Variants in PKP1 observed in about 807,000 individuals in gnomAD.
PKP1 encodes plakophilin 1.
Under a neutral mutation model 76.4 loss-of-function variants are expected in PKP1, and 27 were observed. That is an observed-to-expected ratio of 0.35 (90% CI 0.26 to 0.49). PKP1 has a LOEUF of 0.49. PKP1 is among the 20% of genes least tolerant of loss of function. The probability of loss-of-function intolerance (pLI) is 0.99; values close to 1 mark genes in which losing one functional copy is unlikely to be tolerated. For missense variants in PKP1, 964 were observed against 955.2 expected, an observed-to-expected ratio of 1.01 and a Z score of -0.12; for synonymous variants, 404 against 384.2, an observed-to-expected ratio of 1.05 and a Z score of -0.60.
At chr1:201,314,133 A>T (rs1558190851) in intron 3 of PKP1, among the ~76,000 whole-genome samples, 1 of 152,198 alleles carries the variant, frequency 6.6e-6, no homozygotes, top group African/African-American at 2.4e-5. Context: ...AATCCAAAGG[A>T]CAAATAGGAC....
chr1:201,283,962 T>C, intron 1 of PKP1, 58 bp downstream of exon 1: 1 of 1,493,144 alleles, frequency 6.7e-7, no homozygotes, highest in Non-Finnish European at 9.3e-7. Context: ...CCTGGCCCAG[T>C]GGCGGGGACC....
At chr1:201,319,305 C>A (rs1273282954) in intron 6 of PKP1, among the ~76,000 whole-genome samples, 1 of 151,964 alleles carries the variant, frequency 6.6e-6, no homozygotes, top group East Asian at 1.9e-4. Flanking sequence ...GGTGGGAGGG[C>A]TTGTTCTAGA....
At chr1:201,327,697 G>A (rs1044297514) in intron 12 of PKP1, among the ~76,000 whole-genome samples, 6 of 151,958 alleles carry the variant, frequency 3.9e-5, no homozygotes, top group South Asian at 2.1e-4. Flanking sequence ...GGGAACCAGC[G>A]TCCCCATTCA....
chr1:201,294,164 T>C (rs1656011124), intron 2 of PKP1, 119 bp downstream of exon 2: 1 of 741,178 alleles, frequency 1.3e-6, no homozygotes, highest in Non-Finnish European at 2.4e-6. Context: ...GGTCCGTGAG[T>C]TGAGGCTCAT....
At chr1:201,298,906 G>A (rs2268157) in intron 2 of PKP1, among the ~76,000 whole-genome samples, 74,981 of 152,094 alleles carry the variant, frequency 0.49, 22,424 homozygotes, top group East Asian at 0.73. Flanking sequence ...AAGAAATGTG[G>A]ATGAAGCCTC....
In PKP1 at chr1:201,324,465, A is replaced by G. The variant is rs751062007; in HGVS notation, c.1718A>G (p.Glu573Gly). 3 of 1,614,104 alleles carry G rather than the reference A, an allele frequency of 1.9e-6. No individual in the cohort carries two copies. In the African/African-American group the frequency reaches 4.0e-5, roughly 22 times the overall value. ...ATGAGCCAGTTGATTGGGCTGAAGG[A>G]AAAGGGCCTGCCACAAATTGCCCGC... is the stretch of plus-strand genomic sequence containing the variant. ...SGMSQLIGLKEKGLPQIARLL... is the reference protein window; with the variant it reads ...SGMSQLIGLKGKGLPQIARLL... Residue 573 changes from glutamate to glycine, a missense_variant, in exon 10 of 14, where the codon GAA (glutamate) becomes GGA (glycine). Glu to Gly is a moderately conservative substitution (Grantham distance 98). Coordinates refer to ENST00000367324, the MANE Select transcript of PKP1 (RefSeq NM_001005337.3).
chr1:201,311,815 C>T (rs1353760808), intron 2 of PKP1, among the ~76,000 whole-genome samples: 1 of 152,202 alleles, frequency 6.6e-6, no homozygotes, highest in Non-Finnish European at 1.5e-5. Flanking sequence ...TTTTATCATA[C>T]TCGATGTTGA....
At chr1:201,301,197 A>G (rs747638635) in intron 2 of PKP1, among the ~76,000 whole-genome samples, 1 of 152,142 alleles carries the variant, frequency 6.6e-6, no homozygotes, top group Non-Finnish European at 1.5e-5. Flanking sequence ...AGGAATGGAG[A>G]GGGAAGGCCA....
At chr1:201,323,580 G>C (rs1304958207) in intron 9 of PKP1, among the ~76,000 whole-genome samples, 1 of 152,200 alleles carries the variant, frequency 6.6e-6, no homozygotes, top group Non-Finnish European at 1.5e-5. Context: ...GGTCCAAGCA[G>C]GTCCAGAGAA....
intron 11 of PKP1, 130 bp downstream of exon 11, chr1:201,325,257 G>A: frequency 1.1e-6 from 1 of 951,216 alleles, no homozygotes; most frequent in East Asian, 2.4e-5. Flanking sequence ...CCAGGGACGG[G>A]GGAGGCTTGA....
At chr1:201,311,979 C>T (rs138167479) in intron 2 of PKP1, among the ~76,000 whole-genome samples, 160 of 152,376 alleles carry the variant, frequency 1.1e-3, no homozygotes, top group Non-Finnish European at 1.9e-3. Flanking sequence ...CCCACTTGGG[C>T]TCACACAGAG....
At chr1:201,298,226 G>A (rs141302542) in intron 2 of PKP1, among the ~76,000 whole-genome samples, 66 of 152,220 alleles carry the variant, frequency 4.3e-4, no homozygotes, top group Non-Finnish European at 6.8e-4. Flanking sequence ...TCTTCCTCTG[G>A]GTCAGCAAAG....
In PKP1 at chr1:201,324,599, C is replaced by T; in HGVS notation, c.1834+18C>T. 1.2e-6 allele frequency: 2 copies of T among 1,613,542 alleles called. No individual in the cohort carries two copies. Among genetic ancestry groups the T allele is most frequent in the Non-Finnish European group, 1.7e-6 (2 of 1,179,586 alleles). ...AGTGATGGGTAAGGTCCCTCTCTCT[C>T]CTCCCCCTCTAGCTAAGACATGGCA... On this transcript the variant is annotated intron_variant, in intron 10 of 13. Coordinates refer to ENST00000367324, the MANE Select transcript of PKP1 (RefSeq NM_001005337.3).
chr1:201,324,884 T>C, intron 10 of PKP1, 57 bp from the exon 11 acceptor site: 1 of 1,529,882 alleles, frequency 6.5e-7, no homozygotes, highest in Non-Finnish European at 9.0e-7. Flanking sequence ...AGGGAACCCC[T>C]CAGCCCTTCC....
intron 3 of PKP1, chr1:201,316,149 C>CGGACGTACGGACGGACGGATGGAT (rs1558191684): frequency 8.1e-6 from 1 of 124,068 alleles, no homozygotes; most frequent in South Asian, 2.8e-4. Context: ...GATGGACGGA[C>CGGACGTACGGACGGACGGATGGAT]GGATGGATGG....
At chr1:201,324,721 A>T in intron 10 of PKP1, 140 bp downstream of exon 10, 2 of 1,153,804 alleles carry the variant, frequency 1.7e-6, no homozygotes, top group Non-Finnish European at 2.6e-6. Flanking sequence ...ACAGGTATGG[A>T]GACAGGAGAA....
chr1:201,312,771 G>T (rs557495049), intron 2 of PKP1, among the ~76,000 whole-genome samples: 2 of 152,144 alleles, frequency 1.3e-5, no homozygotes, highest in Admixed American at 6.5e-5. Flanking sequence ...TGGCTTCCTG[G>T]GTTCATCCTC....
chr1:201,317,589 C>T lies in PKP1; in HGVS notation c.864C>T (p.Gly288=). Reference sequence around the variant, plus strand: ...CCTGGCAGGTCTATCAGCTGGGAGGCATCTGCAAGCTGGTGGACCTCCTCC... The same window carrying T: ...CCTGGCAGGTCTATCAGCTGGGAGGTATCTGCAAGCTGGTGGACCTCCTCC... The part of the protein sequence containing the change: ...SAKQQVYQLG[G]ICKLVDLLRS... The change falls in exon 5 of 14, where the codon GGC becomes GGT. Residue 288 remains glycine (G), a synonymous_variant. Transcript: ENST00000367324. The T allele has an allele frequency of 1.2e-6, 2 of 1,613,876 alleles. No homozygotes were observed. The highest frequency in any genetic ancestry group is 3.3e-5 in the Admixed American group (2 of 60,014).
Position 201,323,035 on chromosome 1 carries a change from T to C in PKP1, c.1526T>C (p.Leu509Pro), listed in dbSNP as rs913982316. 1.9e-6 allele frequency: 3 copies of C among 1,613,978 alleles called. No homozygotes were observed. Among genetic ancestry groups the C allele is most frequent in the Admixed American group, 1.7e-5 (1 of 59,996 alleles). Residue 509 changes from leucine (L) to proline (P), a missense_variant, in exon 9 of 14, where the codon CTG (leucine) becomes CCG (proline). Leu to Pro is a moderately conservative substitution (Grantham distance 98). Transcript: ENST00000367324. ...CAGAACAACAACTATGACTGCCCCC[T>C]GCCTGAGGAAGAGACCAACCCCAAG... ...KMMNNNYDCP[L>P]PEEETNPKGS...
Sources: allele counts gnomAD v4.1 joint callset (sites outside exome capture counted in the v4.1 genomes callset), GRCh38; gene constraint gnomAD v4.1.1; transcripts MANE v1.5; gene names NCBI Gene and HGNC (gene_info 2026-07-23, HGNC 2026-07-21).